Variants in SNTB1 observed in about 807,000 individuals in gnomAD.
The protein encoded by SNTB1 is syntrophin beta 1.
In SNTB1, 36 loss-of-function variants were observed where a neutral mutation model predicts 48.9. The ratio of observed to expected loss-of-function variants is 0.74; its 90% CI spans 0.56 to 0.97. The LOEUF (loss-of-function observed/expected upper bound fraction) is 0.97. Among genes scored for constraint, SNTB1 ranks in the 50% least tolerant of loss-of-function variants. The pLI, the probability that SNTB1 is intolerant of heterozygous loss-of-function variation, is 0.00. For synonymous variants in SNTB1, 299 were observed against 294.6 expected (o/e 1.01, Z -0.15); for missense variants, 786 against 703.4 (o/e 1.12, Z -1.33).
chr8:120,672,863 C>T (rs1817779399), intron 2 of SNTB1, among the ~76,000 whole-genome samples: 1 of 152,146 alleles, frequency 6.6e-6, no homozygotes, highest in Non-Finnish European at 1.5e-5. Context: ...GGGATGATTC[C>T]CTGAGGCTTC....
At chr8:120,648,940 T>C (rs1285299658) in intron 2 of SNTB1, among the ~76,000 whole-genome samples, 11 of 151,548 alleles carry the variant, frequency 7.3e-5, no homozygotes, top group Admixed American at 7.2e-4. Context: ...CTGATACCCT[T>C]TCTTCCAGTT....
At chr8:120,598,956 T>C (rs965782557) in intron 3 of SNTB1, among the ~76,000 whole-genome samples, 110 of 152,238 alleles carry the variant, frequency 7.2e-4, no homozygotes, top group African/African-American at 2.6e-3. Flanking sequence ...TAGGACCCAG[T>C]GAAATAATGC....
intron 6 of SNTB1, among the ~76,000 whole-genome samples, chr8:120,540,351 T>C (rs1440963184): frequency 6.6e-6 from 1 of 152,214 alleles, no homozygotes; most frequent in Non-Finnish European, 1.5e-5. Flanking sequence ...CAACTAAATG[T>C]ACTGGCAGTA....
chr8:120,546,677 C>A (rs1301035841), intron 5 of SNTB1, among the ~76,000 whole-genome samples: 1 of 152,068 alleles, frequency 6.6e-6, no homozygotes, highest in African/African-American at 2.4e-5. Flanking sequence ...ACCATGTTGG[C>A]CGGGCTGATC....
intron 2 of SNTB1, among the ~76,000 whole-genome samples, chr8:120,675,467 G>A (rs1283683382): frequency 2.0e-5 from 3 of 152,134 alleles, no homozygotes; most frequent in African/African-American, 7.2e-5. Flanking sequence ...TCCACAAAGG[G>A]TCCTATGTGT....
At chr8:120,760,766 A>G (rs1225528821) in intron 1 of SNTB1, among the ~76,000 whole-genome samples, 1 of 152,140 alleles carries the variant, frequency 6.6e-6, no homozygotes, top group Non-Finnish European at 1.5e-5. Flanking sequence ...GAAAGAGCCC[A>G]TCTGACCTGG....
chr8:120,668,417 C>T (rs1285854850), intron 2 of SNTB1, among the ~76,000 whole-genome samples: 1 of 152,192 alleles, frequency 6.6e-6, no homozygotes, highest in African/African-American at 2.4e-5. Flanking sequence ...AAGTCTTCTA[C>T]CATGCTTTTT....
intron 1 of SNTB1, among the ~76,000 whole-genome samples, chr8:120,699,857 C>T (rs1444523941): frequency 6.6e-6 from 1 of 152,096 alleles, no homozygotes; most frequent in Admixed American, 6.6e-5. Context: ...TCTCTCAGGA[C>T]TTATTCTCTC....
At chr8:120,760,637 T>C (rs1188114792) in intron 1 of SNTB1, among the ~76,000 whole-genome samples, 1 of 152,162 alleles carries the variant, frequency 6.6e-6, no homozygotes, top group Non-Finnish European at 1.5e-5. Flanking sequence ...TCATCCTTCC[T>C]GCAGGGGAGG....
intron 2 of SNTB1, among the ~76,000 whole-genome samples, chr8:120,640,958 T>A (rs1817184375): frequency 6.6e-6 from 1 of 152,200 alleles, no homozygotes; most frequent in African/African-American, 2.4e-5. Context: ...TGGTACCAAC[T>A]CCTCCTTGTA....
At chr8:120,541,669 C>T (rs1028488166) in intron 6 of SNTB1, 141 bp downstream of exon 6, 15 of 514,294 alleles carry the variant, frequency 2.9e-5, no homozygotes, top group African/African-American at 2.2e-4. Context: ...ACCTAATCAC[C>T]GTTTTTCAAG....
intron 1 of SNTB1, among the ~76,000 whole-genome samples, chr8:120,771,441 T>C (rs1819627013): frequency 6.6e-6 from 1 of 152,216 alleles, no homozygotes; most frequent in South Asian, 2.1e-4. Flanking sequence ...GAAAAACGTA[T>C]AAAAAATTTC....
chr8:120,790,417 C>T (rs891515989), intron 1 of SNTB1, among the ~76,000 whole-genome samples: 3 of 151,672 alleles, frequency 2.0e-5, no homozygotes, highest in African/African-American at 4.8e-5. Context: ...AAATAAAGGG[C>T]GTCCAAATTG....
At position 120,686,389 on chromosome 8, in the gene SNTB1, T is replaced by C. The variant is rs1476114173; in HGVS notation, c.788+7303A>G. On this transcript the variant is annotated intron_variant, in intron 2 of 6. Transcript: ENST00000517992. Reference sequence around the variant, plus strand: ...AGATTAAGGCACCACAGATTTGATGTCTGGTGAAGGTGTGTTCCTCATGGC... The same window carrying C: ...AGATTAAGGCACCACAGATTTGATGCCTGGTGAAGGTGTGTTCCTCATGGC... Among the ~76,000 whole-genome samples, 4 of 152,198 alleles carry C rather than the reference T, an allele frequency of 2.6e-5. No individual in the cohort carries two copies. The East Asian group carries it at 7.7e-4, about 29-fold the overall frequency.
intron 1 of SNTB1, among the ~76,000 whole-genome samples, chr8:120,758,920 A>C (rs530239513): frequency 7.8e-4 from 118 of 152,222 alleles, no homozygotes; most frequent in African/African-American, 2.5e-3. Context: ...CCTTGGCAGC[A>C]ACCCACTTAT....
intron 3 of SNTB1, among the ~76,000 whole-genome samples, chr8:120,614,726 G>A (rs934447987): frequency 2.0e-5 from 3 of 152,046 alleles, no homozygotes; most frequent in African/African-American, 4.8e-5. Flanking sequence ...TTCACAGTTC[G>A]TAAAGCACCT....
At chr8:120,639,132 C>T (rs1817139278) in intron 2 of SNTB1, among the ~76,000 whole-genome samples, 2 of 152,214 alleles carry the variant, frequency 1.3e-5, no homozygotes, top group African/African-American at 4.8e-5. Flanking sequence ...TTGCATTTCT[C>T]TGATGGCCAG....
At chr8:120,626,045 A>T (rs1476842406) in intron 3 of SNTB1, among the ~76,000 whole-genome samples, 1 of 152,196 alleles carries the variant, frequency 6.6e-6, no homozygotes, top group African/African-American at 2.4e-5. Context: ...GCTATTTTAC[A>T]TTCACACTGA....
chr8:120,752,984 G>GAA (rs1243187753), intron 1 of SNTB1, among the ~76,000 whole-genome samples: 1 of 81,890 alleles, frequency 1.2e-5, no homozygotes, highest in South Asian at 4.5e-4. Context: ...ACAAAAGCTG[G>GAA]AAGAAAAAAA....
Sources: gnomAD v4.1 joint callset for allele counts (sites outside exome capture counted in the v4.1 genomes callset) on GRCh38, gnomAD v4.1.1 for gene constraint, MANE v1.5 for transcripts, NCBI Gene and HGNC (gene_info 2026-07-23, HGNC 2026-07-21) for gene names.